CLEC20A: variants seen among roughly 807,000 people sequenced by gnomAD.
The protein encoded by CLEC20A is C-type lectin domain containing 20A.
exon 4 of CLEC20A, chr1:178,490,308 C>T (rs1159386968): frequency 5.0e-6 from 2 of 398,594 alleles, no homozygotes; most frequent in Non-Finnish European, 8.8e-6. Flanking sequence ...GGCCTCCTTG[C>T]CTGTCTCATC....
At chr1:178,497,193 G>A (rs1381265003), upstream of CLEC20A, 1 of 384,496 alleles carries the variant, frequency 2.6e-6, no homozygotes, top group Non-Finnish European at 4.6e-6. Flanking sequence ...CTGTGTGGGG[G>A]TTCAGAAAAC....
chr1:178,494,423 G>T (rs1649338880), intron 2 of CLEC20A, 31 bp downstream of exon 2: 2 of 399,968 alleles, frequency 5.0e-6, no homozygotes, highest in South Asian at 2.6e-4. Context: ...CTGGGGGAAA[G>T]ACCAAGCCTG....
At chr1:178,486,805 C>T (rs973150088) in intron 5 of CLEC20A, 4 of 398,376 alleles carry the variant, frequency 1.0e-5, no homozygotes, top group Non-Finnish European at 1.8e-5. Context: ...GGAAGACGCA[C>T]TCTGGGCAGT....
intron 3 of CLEC20A, among the ~76,000 whole-genome samples, chr1:178,492,239 G>A (rs951012096): frequency 3.6e-4 from 55 of 152,176 alleles, no homozygotes; most frequent in Non-Finnish European, 6.2e-4. Flanking sequence ...GTGTGCCACT[G>A]TACTCCAGCC....
intron 4 of CLEC20A, 118 bp from the exon 5 acceptor site, chr1:178,488,717 G>A (rs1649209250): frequency 5.0e-6 from 2 of 397,172 alleles, no homozygotes; most frequent in Non-Finnish European, 4.4e-6. Flanking sequence ...AAACTCAGGA[G>A]GGCGCAGTTA....
At chr1:178,492,447 C>T in intron 3 of CLEC20A, 54 bp downstream of exon 3, 2 of 398,284 alleles carry the variant, frequency 5.0e-6, no homozygotes, top group Non-Finnish European at 4.4e-6. Context: ...GTGGAGAGAT[C>T]CAAGGCAAAA....
At chr1:178,496,929 C>A (rs1243875178) in exon 1 of CLEC20A, 3 of 399,686 alleles carry the variant, frequency 7.5e-6, no homozygotes, top group Middle Eastern at 6.2e-4. Flanking sequence ...CAGCAGCGCC[C>A]GGGGCAGCAT....
exon 6 of CLEC20A, chr1:178,483,207 T>A: frequency 5.0e-6 from 2 of 398,658 alleles, no homozygotes; most frequent in Non-Finnish European, 8.8e-6. Context: ...TTCTTTAGAT[T>A]CTGAACTCAG....
At chr1:178,487,690 T>A (rs999717739) in intron 5 of CLEC20A, among the ~76,000 whole-genome samples, 1 of 152,218 alleles carries the variant, frequency 6.6e-6, no homozygotes, top group African/African-American at 2.4e-5. Flanking sequence ...TCCCTTTTCG[T>A]TGTGTCCCCA....
chr1:178,495,389 C>G (rs535801929), intron 1 of CLEC20A, among the ~76,000 whole-genome samples: 1 of 152,346 alleles, frequency 6.6e-6, no homozygotes, highest in African/African-American at 2.4e-5. Context: ...GGGCACTGCC[C>G]CTCCATCTGG....
At chr1:178,495,503 C>G (rs962782576) in intron 1 of CLEC20A, among the ~76,000 whole-genome samples, 1 of 152,210 alleles carries the variant, frequency 6.6e-6, no homozygotes, top group Non-Finnish European at 1.5e-5. Flanking sequence ...GGACTAGCAT[C>G]AGGATTTTTT....
At chr1:178,487,398 C>T (rs1186855451) in intron 5 of CLEC20A, among the ~76,000 whole-genome samples, 1 of 152,180 alleles carries the variant, frequency 6.6e-6, no homozygotes, top group Non-Finnish European at 1.5e-5. Context: ...ACAGGGGGCC[C>T]GGCCGGCAGG....
intron 7 of CLEC20A, chr1:178,481,116 G>A (rs766634589): frequency 3.3e-5 from 5 of 152,160 alleles, no homozygotes; most frequent in Admixed American, 6.5e-5. Context: ...ATGCAGTCAC[G>A]TGCTCGTGTG....
chr1:178,494,854 G>A (rs1358203786), intron 1 of CLEC20A, 44 bp from the exon 2 acceptor site: 1 of 399,042 alleles, frequency 2.5e-6, no homozygotes, highest in Non-Finnish European at 4.4e-6. Context: ...CCCCACCCCA[G>A]CCCCTAGTCC....
chr1:178,487,068 G>C, intron 5 of CLEC20A: 2 of 385,284 alleles, frequency 5.2e-6, no homozygotes, highest in Non-Finnish European at 9.2e-6. Context: ...GGGCCAGAGA[G>C]AAGACTTCTG....
At chr1:178,498,511 G>T (rs1258056960), upstream of CLEC20A, among the ~76,000 whole-genome samples, 2 of 152,168 alleles carry the variant, frequency 1.3e-5, no homozygotes, top group Admixed American at 6.5e-5. Context: ...GATTGCTTGA[G>T]CATGGGAGGT....
chr1:178,492,657 CAG>C (rs1282433551), intron 2 of CLEC20A, 91 bp from the exon 3 acceptor site: 1 of 398,172 alleles, frequency 2.5e-6, no homozygotes, highest in Non-Finnish European at 4.4e-6. Flanking sequence ...AAACCTAGCT[CAG>C]GGGCAGACAG....
chr1:178,488,192 C>T (rs985041471), intron 5 of CLEC20A, among the ~76,000 whole-genome samples: 5 of 152,214 alleles, frequency 3.3e-5, no homozygotes, highest in African/African-American at 1.2e-4. Context: ...CAGCCTCTCA[C>T]CTGAGAGACC....
At chr1:178,483,415 A>C in intron 5 of CLEC20A, 133 bp from the exon 6 acceptor site, 1 of 395,128 alleles carries the variant, frequency 2.5e-6, no homozygotes. Context: ...TGCAGAAGCC[A>C]GCGATGTGGG....
Sources: allele counts gnomAD v4.1 joint callset (sites outside exome capture counted in the v4.1 genomes callset), GRCh38; gene constraint gnomAD v4.1.1; transcripts MANE v1.5; gene names NCBI Gene and HGNC (gene_info 2026-07-23, HGNC 2026-07-21).